The following AKAP6 variants were observed in gnomAD, a reference collection of about 807,000 sequenced individuals.
AKAP6 encodes the protein A-kinase anchoring protein 6, also known as A-kinase anchor protein 6.
Under a neutral mutation model 188.5 loss-of-function variants are expected in AKAP6, and 58 were observed. That is an observed-to-expected ratio of 0.31 (90% confidence interval 0.25 to 0.38). AKAP6 has a LOEUF of 0.38. Among genes scored for constraint, AKAP6 ranks in the 10% least tolerant of loss-of-function variants. The pLI is 1.00. For missense variants in AKAP6, 2,710 were observed against 2,740.0 expected (o/e 0.99, Z 0.24); for synonymous variants, 989 against 998.6 (o/e 0.99, Z 0.18).
At chr14:32,572,383 TC>T (rs1884531382) in intron 4 of AKAP6, among the ~76,000 whole-genome samples, 1 of 152,230 alleles carries the variant, frequency 6.6e-6, no homozygotes, top group Non-Finnish European at 1.5e-5. Flanking sequence ...CGTTTAAAAA[TC>T]ACCCTTCGAC....
intron 1 of AKAP6, among the ~76,000 whole-genome samples, chr14:32,430,370 G>T (rs182437197): frequency 8.5e-4 from 130 of 152,216 alleles, no homozygotes; most frequent in Admixed American, 8.3e-3. Flanking sequence ...CTTAGTGCGT[G>T]GACTGATGGT....
intron 3 of AKAP6, among the ~76,000 whole-genome samples, chr14:32,538,202 G>C (rs1309974232): frequency 2.6e-5 from 4 of 152,082 alleles, no homozygotes; most frequent in African/African-American, 9.7e-5. Context: ...AGACTGCTTA[G>C]TTTTATTTAT....
At chr14:32,601,802 C>T (rs983611430) in intron 7 of AKAP6, among the ~76,000 whole-genome samples, 2 of 152,324 alleles carry the variant, frequency 1.3e-5, no homozygotes, top group Admixed American at 1.3e-4. Flanking sequence ...CCCTCTTAGA[C>T]TCACATTTTT....
At chr14:32,729,855 C>T (rs1376182002) in intron 9 of AKAP6, among the ~76,000 whole-genome samples, 1 of 152,120 alleles carries the variant, frequency 6.6e-6, no homozygotes, top group African/African-American at 2.4e-5. Context: ...CATAACATCC[C>T]CAGACTACAG....
chr14:32,394,722 G>A lies in AKAP6; in HGVS notation c.-34-38738G>A, dbSNP rs549652515. On this transcript the variant is annotated intron_variant, in intron 1 of 13. Transcript: ENST00000280979. ...TCTGTTTTTACTGGGGTGACCTTTG[G>A]TTCCTTTCCTAGTCAGCAAAAACAT... Among the ~76,000 whole-genome samples, 8 of 152,186 alleles carry A rather than the reference G, an allele frequency of 5.3e-5. No individual in the cohort carries two copies. The South Asian group carries it at 1.5e-3, about 28-fold the overall frequency.
At position 32,582,787 on chromosome 14, in the gene AKAP6, C is replaced by T. The variant is rs571790637; in HGVS notation, c.2469+5545C>T. Among the ~76,000 whole-genome samples, 1,361 of 152,306 alleles carry T rather than the reference C, an allele frequency of 8.9e-3. 8 individuals are homozygous for T. Among genetic ancestry groups the T allele is most frequent in the Non-Finnish European group, 0.014 (979 of 68,028 alleles). On this transcript the variant is annotated intron_variant, in intron 5 of 13. Coordinates refer to ENST00000280979, the MANE Select transcript of AKAP6 (RefSeq NM_004274.5). ...TTCTTCCAGTTGATCGCATCAGCTCCTGAGGCTTCTGCATTCTTCACGTAG... is the reference window on the plus strand; with the variant it reads ...TTCTTCCAGTTGATCGCATCAGCTCTTGAGGCTTCTGCATTCTTCACGTAG...
At chr14:32,824,901 A>G in intron 13 of AKAP6, 86 bp downstream of exon 13, 5 of 1,077,970 alleles carry the variant, frequency 4.6e-6, no homozygotes, top group Non-Finnish European at 6.7e-6. Flanking sequence ...GCTAGTCAGA[A>G]TGACCAGTTA....
chr14:32,347,998 G>C (rs1206726518), intron 1 of AKAP6, among the ~76,000 whole-genome samples: 1 of 152,228 alleles, frequency 6.6e-6, no homozygotes, highest in African/African-American at 2.4e-5. Context: ...TCTAGGCCCT[G>C]AGGGACATTT....
intron 1 of AKAP6, among the ~76,000 whole-genome samples, chr14:32,382,970 C>G (rs530367199): frequency 3.3e-5 from 5 of 152,160 alleles, no homozygotes; most frequent in African/African-American, 1.2e-4. Flanking sequence ...TTCAAAATTC[C>G]TATATCACCA....
chr14:32,437,486 C>G (rs1209304085), intron 2 of AKAP6, among the ~76,000 whole-genome samples: 1 of 152,174 alleles, frequency 6.6e-6, no homozygotes, highest in Non-Finnish European at 1.5e-5. Context: ...AGGGTAGGCT[C>G]TGTCTCAGCT....
At chr14:32,580,951 A>C (rs1339841325) in intron 5 of AKAP6, among the ~76,000 whole-genome samples, 1 of 152,102 alleles carries the variant, frequency 6.6e-6, no homozygotes, top group Non-Finnish European at 1.5e-5. Context: ...CCAGTCTATC[A>C]TTGTTGGACA....
At position 32,553,394 on chromosome 14, in the gene AKAP6, G is replaced by A. The variant is rs1272623235; in HGVS notation, c.2346+6395G>A. On this transcript the variant is annotated intron_variant, in intron 4 of 13. Coordinates refer to ENST00000280979, the MANE Select transcript of AKAP6 (RefSeq NM_004274.5). ...TCATCACGTTGGCCAGACTGGTCTCGAACTTCTGACCTTGTGATCCACTTG... is the reference window on the plus strand; with the variant it reads ...TCATCACGTTGGCCAGACTGGTCTCAAACTTCTGACCTTGTGATCCACTTG... 3.3e-5 allele frequency among the ~76,000 whole-genome samples: 5 copies of A among 151,926 alleles called. No homozygotes were observed. In the East Asian group the frequency reaches 7.7e-4, roughly 23 times the overall value.
chr14:32,350,006 A>G (rs967131693), intron 1 of AKAP6, among the ~76,000 whole-genome samples: 29 of 152,334 alleles, frequency 1.9e-4, no homozygotes, highest in African/African-American at 7.0e-4. Flanking sequence ...GTGTATACTA[A>G]TATAAATGAA....
At chr14:32,624,130 A>T (rs60951430) in intron 7 of AKAP6, among the ~76,000 whole-genome samples, 2,182 of 152,262 alleles carry the variant, frequency 0.014, 70 homozygotes, top group African/African-American at 0.049. Flanking sequence ...GTATTAGAAG[A>T]TATTCACATA....
At chr14:32,366,858 A>G (rs892395704) in intron 1 of AKAP6, among the ~76,000 whole-genome samples, 4 of 152,268 alleles carry the variant, frequency 2.6e-5, no homozygotes, top group Middle Eastern at 3.4e-3. Context: ...CCCCTCAGAG[A>G]AAGACAGACT....
chr14:32,633,060 G>T lies in AKAP6; in HGVS notation c.2730+32268G>T, dbSNP rs559904586. Among the ~76,000 whole-genome samples, 11 of 152,080 alleles carry T rather than the reference G, an allele frequency of 7.2e-5. No individual in the cohort carries two copies. In the East Asian group the frequency reaches 2.1e-3, roughly 29 times the overall value. ...GAAAGTATGGACACATGTTAACTGG[G>T]TCTTTTCTCTGTTTACTTTTTTCTA... is the stretch of plus-strand genomic sequence containing the variant. On this transcript the variant is annotated intron_variant, in intron 7 of 13. Coordinates refer to ENST00000280979, the MANE Select transcript of AKAP6 (RefSeq NM_004274.5).
intron 1 of AKAP6, among the ~76,000 whole-genome samples, chr14:32,391,424 G>GC (rs1268407670): frequency 5.9e-5 from 9 of 152,044 alleles, no homozygotes; most frequent in African/African-American, 2.2e-4. Flanking sequence ...ATCCTTTTTG[G>GC]CTCTAGTTAT....
At chr14:32,692,936 C>T (rs781601325) in intron 8 of AKAP6, among the ~76,000 whole-genome samples, 29 of 152,158 alleles carry the variant, frequency 1.9e-4, no homozygotes, top group African/African-American at 5.6e-4. Context: ...GGCTCTTAGA[C>T]ACATTATAGC....
chr14:32,656,968 G>A (rs1888479084), intron 7 of AKAP6, among the ~76,000 whole-genome samples: 1 of 152,136 alleles, frequency 6.6e-6, no homozygotes, highest in African/African-American at 2.4e-5. Flanking sequence ...CTGACATATG[G>A]CAATCCAATA....
Sources: allele counts gnomAD v4.1 joint callset (sites outside exome capture counted in the v4.1 genomes callset), GRCh38; gene constraint gnomAD v4.1.1; transcripts MANE v1.5; gene names NCBI Gene and HGNC (gene_info 2026-07-23, HGNC 2026-07-21).